SOAT1: variants seen among roughly 807,000 people sequenced by gnomAD.
The protein encoded by SOAT1 is sterol O-acyltransferase 1, also known as acyl-coenzyme A:cholesterol acyltransferase 1.
A neutral mutation model predicts 69.5 loss-of-function variants in SOAT1; 55 were observed. That is an observed-to-expected ratio of 0.79 (90% CI 0.64 to 0.99). SOAT1 has a LOEUF of 0.99. Among genes scored for constraint, SOAT1 ranks in the 50% least tolerant of loss-of-function variants. The pLI is 0.00. For synonymous variants in SOAT1, 231 were observed against 224.7 expected, an observed-to-expected ratio of 1.03 and a Z score of -0.25; for missense variants, 580 against 669.3, an observed-to-expected ratio of 0.87 and a Z score of 1.47.
At chr1:179,294,750 C>G (rs1384029440) in intron 1 of SOAT1, among the ~76,000 whole-genome samples, 1 of 152,214 alleles carries the variant, frequency 6.6e-6, no homozygotes, top group Non-Finnish European at 1.5e-5. Context: ...CCAGGTTGGT[C>G]TCAAACTCCT....
Position 179,341,328 on chromosome 1 carries a change from A to T in SOAT1, c.780+18A>T. The T allele has an allele frequency of 6.2e-7, 1 of 1,608,292 alleles. No individual in the cohort carries two copies. The highest frequency in any genetic ancestry group is 8.5e-7 in the Non-Finnish European group (1 of 1,176,164). On this transcript the variant is annotated intron_variant, in intron 7 of 15. Coordinates refer to ENST00000367619, the MANE Select transcript of SOAT1 (RefSeq NM_003101.6). ...TCGAGCAGGTAAGGTTTTAAGTGTT[A>T]CCCAAGGCGATGCTGTCCTCGGCTA...
At chr1:179,331,111 A>G (rs1438928525) in intron 3 of SOAT1, among the ~76,000 whole-genome samples, 1 of 152,128 alleles carries the variant, frequency 6.6e-6, no homozygotes, top group Non-Finnish European at 1.5e-5. Flanking sequence ...TGCAAGTGTG[A>G]CTATACATTT....
intron 4 of SOAT1, 101 bp from the exon 5 acceptor site, chr1:179,337,736 A>T: frequency 1.3e-6 from 1 of 763,814 alleles, no homozygotes; most frequent in Non-Finnish European, 2.1e-6. Flanking sequence ...TTGGTCAATT[A>T]ATGTTAGATG....
At chr1:179,309,988 C>T (rs1188167534) in intron 2 of SOAT1, among the ~76,000 whole-genome samples, 2 of 152,034 alleles carry the variant, frequency 1.3e-5, no homozygotes, top group South Asian at 2.1e-4. Flanking sequence ...CAGCCTCTGC[C>T]TCCCGGGTTC....
At position 179,347,697 on chromosome 1, in the gene SOAT1, G is replaced by C. The variant is rs1223760182; in HGVS notation, c.1215G>C (p.Lys405Asn). The stretch of plus-strand genomic sequence containing the variant: ...GCTTTGGTGACAGGATGTTCTATAA[G>C]GTAGTATATACTTAGACTTAGCTTT... ...MLRFGDRMFY[K>N]DWWNSTSYSN... Residue 405 changes from lysine (K) to asparagine (N), a missense_variant and splice_region_variant, in exon 12 of 16, where the codon AAG (lysine) becomes AAC (asparagine). Lys to Asn is a moderately conservative substitution (Grantham distance 94). Coordinates refer to ENST00000367619, the MANE Select transcript of SOAT1 (RefSeq NM_003101.6). 6 of 1,570,644 alleles carry C rather than the reference G, an allele frequency of 3.8e-6. No homozygotes were observed. Among genetic ancestry groups the C allele is most frequent in the Non-Finnish European group, 5.3e-6 (6 of 1,142,638 alleles).
At chr1:179,348,760 ATGTGTGTGTGTG>A (rs71111912) in intron 12 of SOAT1, 72 bp from the exon 13 acceptor site, 54,728 of 583,616 alleles carry the variant, frequency 0.094, 2,169 homozygotes, top group African/African-American at 0.11. Context: ...TTCGGGTGGG[ATGTGTGTGTGTG>A]TGTGTGTGTG....
At chr1:179,337,561 A>G (rs907076140) in intron 4 of SOAT1, among the ~76,000 whole-genome samples, 2 of 152,192 alleles carry the variant, frequency 1.3e-5, no homozygotes, top group Non-Finnish European at 2.9e-5. Context: ...GCCAAAGTCC[A>G]TAGGGGCTGG....
chr1:179,307,854 C>T (rs929630258), intron 2 of SOAT1, among the ~76,000 whole-genome samples: 6 of 151,414 alleles, frequency 4.0e-5, no homozygotes, highest in East Asian at 1.9e-4. Flanking sequence ...TGCAATGGCA[C>T]AATCTCGGCT....
At chr1:179,341,904 AAT>A in intron 7 of SOAT1, 1 of 297,592 alleles carries the variant, frequency 3.4e-6, no homozygotes, top group Non-Finnish European at 5.0e-6. Context: ...TAAATTATAA[AAT>A]ATTTTCATAA....
At chr1:179,325,541 C>A (rs1357045812) in intron 3 of SOAT1, among the ~76,000 whole-genome samples, 1 of 152,086 alleles carries the variant, frequency 6.6e-6, no homozygotes, top group Non-Finnish European at 1.5e-5. Context: ...TTTTGTTATT[C>A]CTTTTTCAAT....
rs534777290 is a variant in SOAT1 at position 179,309,651 on chromosome 1, T to C, written c.118+6849T>C. 2.7e-5 allele frequency among the ~76,000 whole-genome samples: 4 copies of C among 147,946 alleles called. No individual in the cohort carries two copies. The East Asian group carries it at 7.9e-4, about 29-fold the overall frequency. On this transcript the variant is annotated intron_variant, in intron 2 of 15. Coordinates refer to ENST00000367619, the MANE Select transcript of SOAT1 (RefSeq NM_003101.6). Reference sequence around the variant, plus strand: ...ATTTATTGACCATGTATTTTTTTTCTTTAAAAGCCCTGTTCATATCCTTTG... The same window carrying C: ...ATTTATTGACCATGTATTTTTTTTCCTTAAAAGCCCTGTTCATATCCTTTG...
intron 3 of SOAT1, among the ~76,000 whole-genome samples, chr1:179,324,397 A>C (rs1341586046): frequency 4.6e-5 from 7 of 152,214 alleles, no homozygotes; most frequent in Non-Finnish European, 8.8e-5. Context: ...GCTGTCACAG[A>C]AAATTTATTA....
intron 3 of SOAT1, among the ~76,000 whole-genome samples, chr1:179,332,070 A>G (rs1328728426): frequency 2.0e-5 from 3 of 152,112 alleles, no homozygotes; most frequent in Non-Finnish European, 4.4e-5. Flanking sequence ...TTCTTTCAGC[A>G]TACTTTAAGA....
At chr1:179,336,734 C>A (rs919354045) in intron 4 of SOAT1, among the ~76,000 whole-genome samples, 2 of 152,146 alleles carry the variant, frequency 1.3e-5, no homozygotes, top group Admixed American at 1.3e-4. Context: ...TGGTGGCTCA[C>A]GCCTGTAATC....
intron 2 of SOAT1, among the ~76,000 whole-genome samples, chr1:179,305,274 T>A (rs1231496472): frequency 6.6e-6 from 1 of 152,176 alleles, no homozygotes; most frequent in Non-Finnish European, 1.5e-5. Context: ...TGAGGTGGAC[T>A]CTTGCTCTGC....
intron 3 of SOAT1, among the ~76,000 whole-genome samples, chr1:179,329,643 AG>A (rs1665907411): frequency 6.6e-6 from 1 of 151,208 alleles, no homozygotes; most frequent in African/African-American, 2.4e-5. Context: ...TGAACCCAGG[AG>A]GTGGAGGTTG....
intron 2 of SOAT1, among the ~76,000 whole-genome samples, chr1:179,314,740 T>A (rs1375359330): frequency 1.3e-5 from 2 of 152,100 alleles, no homozygotes; most frequent in Non-Finnish European, 2.9e-5. Flanking sequence ...CTGGTGTTTT[T>A]TTTAGGGTAG....
chr1:179,336,470 C>CAAAAAAAA (rs71569242), intron 4 of SOAT1, among the ~76,000 whole-genome samples: 4 of 79,074 alleles, frequency 5.1e-5, no homozygotes, highest in African/African-American at 1.1e-4. Flanking sequence ...ACCCTGTCTC[C>CAAAAAAAA]AAAAAAAAAA....
chr1:179,341,434 T>A (rs1666335071), intron 7 of SOAT1, 124 bp downstream of exon 7: 6 of 989,144 alleles, frequency 6.1e-6, no homozygotes, highest in Middle Eastern at 2.4e-4. Flanking sequence ...ATATTGTTCT[T>A]TTGCCATTAT....
Sources: allele counts gnomAD v4.1 joint callset (sites outside exome capture counted in the v4.1 genomes callset), GRCh38; gene constraint gnomAD v4.1.1; transcripts MANE v1.5; gene names NCBI Gene and HGNC (gene_info 2026-07-23, HGNC 2026-07-21).